BRAF: variants seen among roughly 807,000 people sequenced by gnomAD.
BRAF encodes the protein serine/threonine-protein kinase B-raf.
In BRAF, 16 loss-of-function variants were observed where a neutral mutation model predicts 104.6. The observed-to-expected ratio is 0.15, with a 90% CI of 0.10 to 0.23. BRAF has a LOEUF of 0.23. BRAF is among the 10% of genes least tolerant of loss of function. BRAF has a pLI of 1.00. For missense variants in BRAF, 541 were observed against 937.3 expected (o/e 0.58, Z 5.52); for synonymous variants, 310 against 341.6 (o/e 0.91, Z 1.02).
chr7:140,924,708 T>G lies in BRAF; in HGVS notation c.-5A>C. On this transcript the variant is annotated 5_prime_UTR_variant, in exon 1 of 20. Transcript: ENST00000644969. This position sits in a 1 kb window ranked among gnomAD's most constrained non-coding sequence, Gnocchi z 4.2. ...GCCACCGCTCAGCGCCGCCATCTTA[T>G]AACCGAGAGCCGGGGCCCGAGCGGC... 1.0e-6 allele frequency: 1 copy of G among 977,070 alleles called. No homozygotes were observed. The highest frequency in any genetic ancestry group is 1.5e-6 in the Non-Finnish European group (1 of 654,006). 60.5% of individuals were successfully genotyped at this position (977,070 alleles called of 1,614,324 possible). A position where few individuals can be genotyped will look rare whatever the true frequency, so the allele number is the denominator to read the frequency against.
chr7:140,823,912 G>C (rs1805739983), intron 3 of BRAF: 9 of 152,108 alleles, frequency 5.9e-5, no homozygotes, highest in Admixed American at 4.6e-4. Flanking sequence ...CTAATAATTA[G>C]CAATGTTGGG....
chr7:140,798,934 C>G (rs1422165487), intron 7 of BRAF: 1 of 173,292 alleles, frequency 5.8e-6, no homozygotes, highest in Non-Finnish European at 1.2e-5. Context: ...CAACCTCCAC[C>G]TCCCAGGTTC....
At chr7:140,850,270 A>G (rs1809021499) in intron 1 of BRAF, 58 bp from the exon 2 acceptor site, 2 of 1,329,522 alleles carry the variant, frequency 1.5e-6, no homozygotes, top group Non-Finnish European at 2.1e-6. Context: ...AATTAGAAAT[A>G]TTTTAACATA....
rs1205086857 is a variant in BRAF at position 140,918,071 on chromosome 7, T to C, written c.138+6495A>G. Among the ~76,000 whole-genome samples, 3 of 152,334 alleles carry C rather than the reference T, an allele frequency of 2.0e-5. No homozygotes were observed. The East Asian group carries it at 5.8e-4, about 29-fold the overall frequency. Reference sequence around the variant, plus strand: ...AAGTTGTTGAAATTTTCTACACAGATGATACCTGAGAAGATTTATGCCAGC... The same window carrying C: ...AAGTTGTTGAAATTTTCTACACAGACGATACCTGAGAAGATTTATGCCAGC... On this transcript the variant is annotated intron_variant, in intron 1 of 19. Coordinates refer to ENST00000644969, the MANE Select transcript of BRAF (RefSeq NM_001374258.1).
chr7:140,920,417 T>C (rs778167303), intron 1 of BRAF, among the ~76,000 whole-genome samples: 75 of 152,162 alleles, frequency 4.9e-4, no homozygotes, highest in Non-Finnish European at 1.0e-3. Context: ...ACCTATTCCC[T>C]CCCTCTCTTC....
Position 140,720,554 on chromosome 7 carries a change from C to T in BRAF, c.*5940G>A. On this transcript the variant is annotated 3_prime_UTR_variant, in exon 20 of 20. Coordinates refer to ENST00000644969, the MANE Select transcript of BRAF (RefSeq NM_001374258.1). ...AGGAATGATTCTTAAAAAAACCGTT[C>T]ACAGCTTAGAATAAAAAGCATACTT... The T allele has an allele frequency of 9.4e-7, 1 of 1,065,418 alleles. No homozygotes were observed. Among genetic ancestry groups the T allele is most frequent in the South Asian group, 4.6e-5 (1 of 21,964 alleles). The allele number at this position is 1,065,418 out of a possible 1,614,324, so 66.0% of individuals were successfully genotyped here.
In BRAF at chr7:140,916,644, T is replaced by C. The variant is rs147394709; in HGVS notation, c.138+7922A>G. ...CTTTTCTGTGCAACCTACTAAAATATGTCCTTTCTTATAAGGAAATTAATT... is the reference window on the plus strand; with the variant it reads ...CTTTTCTGTGCAACCTACTAAAATACGTCCTTTCTTATAAGGAAATTAATT... On this transcript the variant is annotated intron_variant, in intron 1 of 19. Transcript: ENST00000644969. Among the ~76,000 whole-genome samples, 41 of 152,350 alleles carry C rather than the reference T, an allele frequency of 2.7e-4. No homozygotes were observed. In the East Asian group the frequency reaches 7.9e-3, roughly 29 times the overall value.
At chr7:140,772,375 C>A (rs1799937568) in intron 14 of BRAF, among the ~76,000 whole-genome samples, 1 of 152,144 alleles carries the variant, frequency 6.6e-6, no homozygotes, top group African/African-American at 2.4e-5. Context: ...GTAGTCCCAG[C>A]ACTGTGGGAG....
intron 1 of BRAF, among the ~76,000 whole-genome samples, chr7:140,873,951 CA>C (rs1423923283): frequency 2.6e-5 from 4 of 152,088 alleles, no homozygotes; most frequent in Non-Finnish European, 1.5e-5. Context: ...AAGACAGGAG[CA>C]ACCCCTAGGA....
chr7:140,847,679 G>A (rs577776140), intron 2 of BRAF, among the ~76,000 whole-genome samples: 3 of 152,100 alleles, frequency 2.0e-5, no homozygotes, highest in East Asian at 3.9e-4. Context: ...TTTGAATCAG[G>A]AACTATGTTA....
rs957481766 is a variant in BRAF at position 140,723,475 on chromosome 7, T to A, written c.*3019A>T. ...GGGGTGAGATATTCGGGAACCAGAA[T>A]TTGACAGCTAGACAGAATCTTCTTT... On this transcript the variant is annotated 3_prime_UTR_variant, in exon 20 of 20. Coordinates refer to ENST00000644969, the MANE Select transcript of BRAF (RefSeq NM_001374258.1). 25 of 1,054,148 alleles carry A rather than the reference T, an allele frequency of 2.4e-5. No individual in the cohort carries two copies. The highest frequency in any genetic ancestry group is 2.9e-5 in the Non-Finnish European group (25 of 872,510). 65.3% of individuals were successfully genotyped at this position (1,054,148 alleles called of 1,614,324 possible). A position where few individuals can be genotyped will look rare whatever the true frequency, so the allele number is the denominator to read the frequency against.
intron 1 of BRAF, among the ~76,000 whole-genome samples, chr7:140,901,197 T>C (rs10225223): frequency 0.029 from 4,340 of 152,214 alleles, 213 homozygotes; most frequent in African/African-American, 0.097. Context: ...TCAAGAAAAA[T>C]TGTAAATACA....
intron 19 of BRAF, among the ~76,000 whole-genome samples, chr7:140,728,952 A>T (rs577977090): frequency 7.2e-5 from 11 of 152,114 alleles, no homozygotes; most frequent in Middle Eastern, 3.4e-3. Flanking sequence ...AAGGTTGGGC[A>T]CAGTGGTTCA....
intron 3 of BRAF, among the ~76,000 whole-genome samples, chr7:140,815,729 A>G (rs1252672305): frequency 6.6e-6 from 1 of 152,062 alleles, no homozygotes; most frequent in African/African-American, 2.4e-5. Flanking sequence ...AGCCACTGCA[A>G]CTGGCCTAAT....
At chr7:140,793,536 T>C (rs1443514390) in intron 8 of BRAF, among the ~76,000 whole-genome samples, 1 of 152,014 alleles carries the variant, frequency 6.6e-6, no homozygotes, top group Non-Finnish European at 1.5e-5. Flanking sequence ...TTAATAAAAT[T>C]TATAGTTTCA....
intron 14 of BRAF, among the ~76,000 whole-genome samples, chr7:140,766,630 T>C (rs1799353866): frequency 6.6e-6 from 1 of 152,170 alleles, no homozygotes; most frequent in African/African-American, 2.4e-5. Context: ...TCGCCCTGGC[T>C]GGAGTGCAGT....
At chr7:140,714,277 CAGG>C in the BRAF span, among the ~76,000 whole-genome samples, 1 of 152,206 alleles carries the variant, frequency 6.6e-6, no homozygotes, top group East Asian at 1.9e-4. Context: ...ATGGGTGAAG[CAGG>C]AGTTTTTACT....
intron 1 of BRAF, among the ~76,000 whole-genome samples, chr7:140,909,260 TAATAAA>T (rs975715574): frequency 6.6e-6 from 1 of 151,984 alleles, no homozygotes; most frequent in Non-Finnish European, 1.5e-5. Context: ...CCCCCGTCTC[TAATAAA>T]AATACAAAAT....
At chr7:140,917,084 C>A (rs1296910246) in intron 1 of BRAF, among the ~76,000 whole-genome samples, 1 of 152,152 alleles carries the variant, frequency 6.6e-6, no homozygotes, top group African/African-American at 2.4e-5. Flanking sequence ...AATGAATGAA[C>A]CTTAACCACT....
Sources: allele counts gnomAD v4.1 joint callset (sites outside exome capture counted in the v4.1 genomes callset), GRCh38; gene constraint gnomAD v4.1.1; non-coding constraint Gnocchi (gnomAD v3.1); transcripts MANE v1.5; gene names NCBI Gene and HGNC (gene_info 2026-07-23, HGNC 2026-07-21).